MYH13: variants seen among roughly 807,000 people sequenced by gnomAD.
The protein encoded by MYH13 is myosin heavy chain 13.
Under a neutral mutation model 232.1 loss-of-function variants are expected in MYH13, and 177 were observed. The observed-to-expected ratio is 0.76, with a 90% CI of 0.67 to 0.86. The LOEUF is 0.86. Among genes scored for constraint, MYH13 ranks in the 40% least tolerant of loss-of-function variants. MYH13 has a pLI of 0.00. For missense variants in MYH13, 2,246 were observed against 2,405.9 expected (o/e 0.93, Z 1.39); for synonymous variants, 884 against 923.5 (o/e 0.96, Z 0.78).
chr17:10,335,478 T>C (rs1366032616), intron 18 of MYH13, among the ~76,000 whole-genome samples: 9 of 152,080 alleles, frequency 5.9e-5, no homozygotes, highest in Non-Finnish European at 1.2e-4. Flanking sequence ...ACAGGCCCGG[T>C]GCGATGGCTC....
chr17:10,330,449 G>A lies in MYH13; in HGVS notation c.2373C>T (p.Ser791=). 6.2e-7 allele frequency: 1 copy of A among 1,613,382 alleles called. No homozygotes were observed. Residue 791 remains serine, a synonymous_variant, in exon 21 of 41, where the codon AGC becomes AGT. Coordinates refer to ENST00000252172, the MANE Select transcript of MYH13 (RefSeq NM_003802.3). ...GGTACCCCCTGCACACCGCCTGCGT[G>A]CTTGTCATCAGCGTCACCAGCTTCT... ...RDEKLVTLMT[S]TQAVCRGYLM...
Position 10,355,012 on chromosome 17 carries a change from C to T in MYH13, c.803-19G>A, listed in dbSNP as rs368025672. The T allele has an allele frequency of 8.1e-6, 13 of 1,609,228 alleles. No individual in the cohort carries two copies. Among genetic ancestry groups the T allele is most frequent in the Non-Finnish European group, 1.1e-5 (13 of 1,175,932 alleles). Reference sequence around the variant, plus strand: ...AACAGATCTAAGGTAACAAAAATAACGTGATTTCAGGCTCCCAAGAGATGC... The same window carrying T: ...AACAGATCTAAGGTAACAAAAATAATGTGATTTCAGGCTCCCAAGAGATGC... On this transcript the variant is annotated intron_variant, in intron 9 of 40. Coordinates refer to ENST00000252172, the MANE Select transcript of MYH13 (RefSeq NM_003802.3).
At position 10,322,722 on chromosome 17, in the gene MYH13, C is replaced by T. The variant is rs368851268; in HGVS notation, c.2935-1014G>A. 4.3e-4 allele frequency among the ~76,000 whole-genome samples: 65 copies of T among 151,426 alleles called. 1 individual carries two copies. The South Asian group carries it at 0.013, about 30-fold the overall frequency. On this transcript the variant is annotated intron_variant, in intron 23 of 40. Transcript: ENST00000252172. ...AGTCTCAGCTCACTGCAAGCTCCGC[C>T]TCCCGGGTTCACGCCATTCTCCGGC...
chr17:10,303,601 G>A (rs927092127), intron 37 of MYH13, 103 bp from the exon 38 acceptor site: 1 of 980,160 alleles, frequency 1.0e-6, no homozygotes, highest in Non-Finnish European at 1.6e-6. Flanking sequence ...ATCCCCTAAT[G>A]GTCATTAAAA....
intron 18 of MYH13, among the ~76,000 whole-genome samples, chr17:10,338,689 G>GTTTTTT (rs757791680): frequency 4.0e-4 from 43 of 108,766 alleles, no homozygotes; most frequent in East Asian, 5.9e-4. Context: ...TTTTATCCTT[G>GTTTTTT]TTTTTTTTTT....
chr17:10,309,687 G>A lies in MYH13; in HGVS notation c.4800C>T (p.Ala1600=). 1 of 1,609,024 alleles carries A rather than the reference G, an allele frequency of 6.2e-7. No individual in the cohort carries two copies. The highest frequency in any genetic ancestry group is 8.5e-7 in the Non-Finnish European group (1 of 1,177,614). ...TTTCAGCATCCAGCACGCTCTGCAG[G>A]GCCTCTGCTGCCCGCTGGCTGTTTC... ...LKRNSQRAAE[A]LQSVLDAEIR... Residue 1600 remains alanine (A), a synonymous_variant, in exon 34 of 41, where the codon GCC becomes GCT. Transcript: ENST00000252172.
At chr17:10,353,949 A>C (rs1481985981) in intron 11 of MYH13, among the ~76,000 whole-genome samples, 2 of 151,078 alleles carry the variant, frequency 1.3e-5, no homozygotes, top group Non-Finnish European at 3.0e-5. Context: ...GGAAGGAAGG[A>C]AGGAAGGAAG....
chr17:10,328,118 G>A lies in MYH13; in HGVS notation c.2439C>T (p.Asp813=). The change falls in exon 22 of 41, where the codon GAC becomes GAT. Residue 813 remains aspartate, a synonymous_variant. Transcript: ENST00000252172. The part of the protein sequence containing the change: ...VEFKKMMERR[D]SIFCIQYNIR... ...TGTTGTACTGGATGCAGAAGATGGA[G>A]TCCCTGTACACCCATTAGGACTCAA... is the stretch of plus-strand genomic sequence containing the variant. The A allele has an allele frequency of 6.2e-7, 1 of 1,613,834 alleles. No individual in the cohort carries two copies. The highest frequency in any genetic ancestry group is 8.5e-7 in the Non-Finnish European group (1 of 1,179,932).
chr17:10,361,292 CTTT>C (rs147949319), intron 5 of MYH13, among the ~76,000 whole-genome samples: 6 of 137,088 alleles, frequency 4.4e-5, no homozygotes, highest in African/African-American at 2.7e-5. Context: ...ATGCTAGACT[CTTT>C]TTTTTTTTTT....
Position 10,345,335 on chromosome 17 carries a change from T to C in MYH13, c.1451A>G (p.Asn484Ser), listed in dbSNP as rs779217472. ...GTTGAAAAACTGTTGCAGTTTCTCA[T>C]TGGTGAAGTTGATGCACAGCTGCTC... is the stretch of plus-strand genomic sequence containing the variant. The part of the protein sequence containing the change: ...SLEQLCINFT[N>S]EKLQQFFNHH... Residue 484 changes from asparagine to serine, a missense_variant, in exon 15 of 41, where the codon AAT becomes AGT. Transcript: ENST00000252172. 6 of 1,614,116 alleles carry C rather than the reference T, an allele frequency of 3.7e-6. No individual in the cohort carries two copies. Among genetic ancestry groups the C allele is most frequent in the Non-Finnish European group, 5.1e-6 (6 of 1,180,048 alleles).
chr17:10,315,562 G>A (rs1471262923), intron 29 of MYH13, 131 bp downstream of exon 29: 2 of 771,990 alleles, frequency 2.6e-6, no homozygotes, highest in African/African-American at 3.5e-5. Flanking sequence ...CCAAAGTGCT[G>A]GGATTACAGG....
intron 18 of MYH13, among the ~76,000 whole-genome samples, chr17:10,339,312 T>C (rs1024836936): frequency 1.3e-5 from 2 of 152,136 alleles, no homozygotes; most frequent in African/African-American, 2.4e-5. Flanking sequence ...GAAGTGACAG[T>C]TAAAGGAGTC....
At chr17:10,312,369 T>A (rs1454561986) in intron 31 of MYH13, among the ~76,000 whole-genome samples, 1 of 152,200 alleles carries the variant, frequency 6.6e-6, no homozygotes, top group East Asian at 1.9e-4. Context: ...CTCAAGTCCC[T>A]GAAACTGGGA....
At chr17:10,311,307 T>C (rs1906501756) in intron 32 of MYH13, 80 bp from the exon 33 acceptor site, 5 of 1,557,852 alleles carry the variant, frequency 3.2e-6, no homozygotes, top group Non-Finnish European at 3.5e-6. Context: ...AATTCAGGGA[T>C]GGGCGATTCA....
At chr17:10,352,136 G>T (rs1175551830) in intron 11 of MYH13, among the ~76,000 whole-genome samples, 1 of 152,204 alleles carries the variant, frequency 6.6e-6, no homozygotes, top group Non-Finnish European at 1.5e-5. Flanking sequence ...ACTAAAAGGA[G>T]CAGGTGAAAG....
At chr17:10,338,689 G>GTTTT (rs757791680) in intron 18 of MYH13, among the ~76,000 whole-genome samples, 26,255 of 107,768 alleles carry the variant, frequency 0.24, 2,548 homozygotes, top group Non-Finnish European at 0.32. Flanking sequence ...TTTTATCCTT[G>GTTTT]TTTTTTTTTT....
In MYH13 at chr17:10,354,895, C is replaced by G; in HGVS notation, c.901G>C (p.Asp301His). 1 of 1,597,316 alleles carries G rather than the reference C, an allele frequency of 6.3e-7. No individual in the cohort carries two copies. The highest frequency in any genetic ancestry group is 8.6e-7 in the Non-Finnish European group (1 of 1,164,930). ...TAAGAAAGGTATTCCAAGAGCTTAC[C>G]AATTAGTTCTGGCTTCTTGTTTGAC... is the stretch of plus-strand genomic sequence containing the variant. ...IMSNKKPELI[D>H]LLLISTNPFD... The change falls in exon 10 of 41, where the codon GAC becomes CAC. Residue 301 changes from aspartate to histidine, a missense_variant and splice_region_variant. Coordinates refer to ENST00000252172, the MANE Select transcript of MYH13 (RefSeq NM_003802.3).
In MYH13 at chr17:10,306,131, G is replaced by A. The variant is rs997300375; in HGVS notation, c.5466+328C>T. ...TTAATAGTTTTTTCCATGTATGTGC[G>A]TGCATCTGAATCTGCATAGCAAATG... On this transcript the variant is annotated intron_variant, in intron 37 of 40. Coordinates refer to ENST00000252172, the MANE Select transcript of MYH13 (RefSeq NM_003802.3). The surrounding 1 kb of genome is among the most constrained non-coding windows in gnomAD (Gnocchi z 4.3). 1.3e-5 allele frequency among the ~76,000 whole-genome samples: 2 copies of A among 151,962 alleles called. No homozygotes were observed. The highest frequency in any genetic ancestry group is 2.9e-5 in the Non-Finnish European group (2 of 68,004).
At chr17:10,338,386 AC>A (rs2071592618) in intron 18 of MYH13, among the ~76,000 whole-genome samples, 1 of 152,214 alleles carries the variant, frequency 6.6e-6, no homozygotes, top group Non-Finnish European at 1.5e-5. Context: ...TTTGACTTAG[AC>A]TTTAGAACCT....
Sources: gnomAD v4.1 joint callset for allele counts (sites outside exome capture counted in the v4.1 genomes callset) on GRCh38, gnomAD v4.1.1 for gene constraint, Gnocchi (gnomAD v3.1) non-coding constraint, MANE v1.5 for transcripts, NCBI Gene and HGNC (gene_info 2026-07-23, HGNC 2026-07-21) for gene names.